BCLAF1: variants seen among roughly 807,000 people sequenced by gnomAD.
BCLAF1 encodes the protein BCL2 associated transcription factor 1, also known as bcl-2-associated transcription factor 1.
A neutral mutation model predicts 99.5 loss-of-function variants in BCLAF1; 10 were observed. That is an observed-to-expected ratio of 0.10 (90% CI 0.06 to 0.17). The LOEUF is 0.17. Among genes scored for constraint, BCLAF1 ranks in the 10% least tolerant of loss-of-function variants. The pLI, the probability that BCLAF1 is intolerant of heterozygous loss-of-function variation, is 1.00. For synonymous variants in BCLAF1, 255 were observed against 370.9 expected, an observed-to-expected ratio of 0.69 and a Z score of 3.59; for missense variants, 636 against 1,105.8, an observed-to-expected ratio of 0.58 and a Z score of 6.02.
chr6:136,280,832 G>C lies in BCLAF1; in HGVS notation c.-10-956C>G, dbSNP rs975310202. 6.1e-4 allele frequency among the ~76,000 whole-genome samples: 93 copies of C among 152,078 alleles called. 3 individuals are homozygous for C. The highest frequency in any genetic ancestry group is 6.1e-3 in the Admixed American group (93 of 15,268). ...ATTAGATTATATCTTAGCCTCTCAA[G>C]CTTGTTTTTGCTGCATAGAACTATT... On this transcript the variant is annotated intron_variant, in intron 2 of 12. Coordinates refer to ENST00000531224, the MANE Select transcript of BCLAF1 (RefSeq NM_014739.3).
rs1179740692 is a variant in BCLAF1, at chr6:136,281,705, T to A, written c.-11+879A>T. ...ATTTTACTAAGAGCTACAGATGCTG[T>A]GTTGTGCTGTATCTCCAGAATCTCT... On this transcript the variant is annotated intron_variant, in intron 2 of 12. Coordinates refer to ENST00000531224, the MANE Select transcript of BCLAF1 (RefSeq NM_014739.3). Among the ~76,000 whole-genome samples, 3 of 152,326 alleles carry A rather than the reference T, an allele frequency of 2.0e-5. No homozygotes were observed. In the East Asian group the frequency reaches 5.8e-4, roughly 29 times the overall value.
At chr6:136,266,234 C>T (rs891842659) in intron 11 of BCLAF1, among the ~76,000 whole-genome samples, 1 of 152,014 alleles carries the variant, frequency 6.6e-6, no homozygotes, top group African/African-American at 2.4e-5. Context: ...CTGAAAAAGT[C>T]AACAATTCCT....
In BCLAF1 at chr6:136,267,186, T is replaced by G. The variant is rs1205579538; in HGVS notation, c.2398-11A>C. 2.5e-6 allele frequency: 4 copies of G among 1,611,356 alleles called. No individual in the cohort carries two copies. In the Admixed American group the frequency reaches 6.7e-5, roughly 27 times the overall value. On this transcript the variant is annotated splice_polypyrimidine_tract_variant and intron_variant, in intron 10 of 12. Transcript: ENST00000531224. ...GCCTCTAATTCGAAACTGATTAACA[T>G]TAACAAAGTTGTTTAGTGATGCAAT...
At chr6:136,280,962 T>C (rs536536645) in intron 2 of BCLAF1, among the ~76,000 whole-genome samples, 86 of 152,314 alleles carry the variant, frequency 5.6e-4, no homozygotes, top group Non-Finnish European at 1.0e-3. Flanking sequence ...TAGTATCTCC[T>C]ACAACCAAGT....
chr6:136,277,713 G>A (rs1783623099), intron 4 of BCLAF1, 152 bp downstream of exon 4: 3 of 1,080,032 alleles, frequency 2.8e-6, no homozygotes, highest in South Asian at 3.5e-5. Context: ...CCAGATAAGA[G>A]TAAAAACAAT....
At chr6:136,289,409 G>A (rs1490853580) in intron 1 of BCLAF1, among the ~76,000 whole-genome samples, 1 of 152,176 alleles carries the variant, frequency 6.6e-6, no homozygotes, top group East Asian at 1.9e-4. Context: ...AATGGGGGAA[G>A]GGTGGAAGAG....
In BCLAF1 at chr6:136,279,893, G is replaced by A; in HGVS notation, c.-10-17C>T. The A allele has an allele frequency of 3.5e-6, 5 of 1,439,100 alleles. No individual in the cohort carries two copies. Among genetic ancestry groups the A allele is most frequent in the Non-Finnish European group, 3.7e-6 (4 of 1,088,064 alleles). The allele number at this position is 1,439,100 out of a possible 1,614,324, so 89.1% of individuals were successfully genotyped here. ...TCTTTTCTCCTAATCAAATGATAGG[G>A]CAAAAAAAGGTTAAAATTACAATAT... On this transcript the variant is annotated splice_polypyrimidine_tract_variant and intron_variant, in intron 2 of 12. Coordinates refer to ENST00000531224, the MANE Select transcript of BCLAF1 (RefSeq NM_014739.3).
chr6:136,281,918 T>TTA (rs1784426298), intron 2 of BCLAF1, among the ~76,000 whole-genome samples: 1 of 152,246 alleles, frequency 6.6e-6, no homozygotes, highest in South Asian at 2.1e-4. Context: ...AAGTTCATTT[T>TTA]TAAAGGTTTG....
In BCLAF1 at chr6:136,259,229, A is replaced by T. The variant is rs1288975121; in HGVS notation, c.*1881T>A. 6.6e-6 allele frequency: 1 copy of T among 152,038 alleles called. No homozygotes were observed. The highest frequency in any genetic ancestry group is 1.5e-5 in the Non-Finnish European group (1 of 67,880). The allele number at this position is 152,038 out of a possible 1,614,324, so 9.4% of individuals were successfully genotyped here. A position where few individuals can be genotyped will look rare whatever the true frequency, so the allele number is the denominator to read the frequency against. ...CCAAAGGTTAAAGCAATGCATTTGAACTTAAAATATAACCTGCCCACAGGA... is the reference window on the plus strand; with the variant it reads ...CCAAAGGTTAAAGCAATGCATTTGATCTTAAAATATAACCTGCCCACAGGA... On this transcript the variant is annotated 3_prime_UTR_variant, in exon 13 of 13. Coordinates refer to ENST00000531224, the MANE Select transcript of BCLAF1 (RefSeq NM_014739.3).
In BCLAF1 at chr6:136,277,043, G is replaced by C. The variant is rs553475920; in HGVS notation, c.1017-535C>G. Among the ~76,000 whole-genome samples the C allele has an allele frequency of 6.6e-5, 10 of 152,232 alleles. No individual in the cohort carries two copies. In the East Asian group the frequency reaches 1.7e-3, roughly 26 times the overall value. On this transcript the variant is annotated intron_variant, in intron 4 of 12. Coordinates refer to ENST00000531224, the MANE Select transcript of BCLAF1 (RefSeq NM_014739.3). ...CTGGCACTATTTCATAGAAACTAATGATCAGTTCAATCATAAATTCTAGAT... is the reference window on the plus strand; with the variant it reads ...CTGGCACTATTTCATAGAAACTAATCATCAGTTCAATCATAAATTCTAGAT...
At chr6:136,286,447 C>A (rs1785141212) in intron 1 of BCLAF1, among the ~76,000 whole-genome samples, 1 of 152,136 alleles carries the variant, frequency 6.6e-6, no homozygotes, top group South Asian at 2.1e-4. Context: ...ATGGTACTTC[C>A]TTACAAGTAC....
rs763490523 is a variant in BCLAF1 at position 136,275,976 on chromosome 6, T to C, written c.1549A>G (p.Lys517Glu). The C allele has an allele frequency of 6.2e-7, 1 of 1,612,588 alleles. No homozygotes were observed. The highest frequency in any genetic ancestry group is 1.7e-5 in the Admixed American group (1 of 59,760). Residue 517 changes from lysine to glutamate, a missense_variant, in exon 5 of 13, where the codon AAG (lysine) becomes GAG (glutamate). Coordinates refer to ENST00000531224, the MANE Select transcript of BCLAF1 (RefSeq NM_014739.3). ...DLFDYSPPLHKNLDAREKSTF... is the reference protein window; with the variant it reads ...DLFDYSPPLHENLDAREKSTF... ...GACTTTTCTCGTGCATCCAGATTCT[T>C]GTGTAGAGGGGGACTGTAATCAAAG...
At chr6:136,269,021 T>C in intron 9 of BCLAF1, 1 of 721,744 alleles carries the variant, frequency 1.4e-6, no homozygotes, top group Non-Finnish European at 1.8e-6. Context: ...CTATTTCTAG[T>C]CCTTCCTCCC....
chr6:136,276,341 T>C lies in BCLAF1; in HGVS notation c.1184A>G (p.Asn395Ser), dbSNP rs757818777. The C allele has an allele frequency of 3.2e-6, 5 of 1,567,110 alleles. No homozygotes were observed. The highest frequency in any genetic ancestry group is 1.2e-5 in the South Asian group (1 of 84,196). The change falls in exon 5 of 13, where the codon AAT becomes AGT. Residue 395 changes from asparagine to serine, a missense_variant. Transcript: ENST00000531224. ...SDKESGKQKFNDSEGDDTEET... is the reference protein window; with the variant it reads ...SDKESGKQKFSDSEGDDTEET... ...CTCTGTGTCATCCCCTTCTGAATCA[T>C]TAAACTTTTGTTTTCCAGACTCTTT...
At chr6:136,269,255 T>C in intron 9 of BCLAF1, 182 bp downstream of exon 9, 1 of 1,506,962 alleles carries the variant, frequency 6.6e-7, no homozygotes, top group Non-Finnish European at 8.8e-7. Flanking sequence ...TATTCCAAAG[T>C]TTTTGTCCTC....
intron 6 of BCLAF1, chr6:136,274,014 C>T (rs1782911988): frequency 7.9e-6 from 10 of 1,260,104 alleles, no homozygotes; most frequent in Non-Finnish European, 1.0e-5. Context: ...CTTGAAACGG[C>T]CACTACAAGG....
At position 136,260,350 on chromosome 6, in the gene BCLAF1, T is replaced by C. The variant is rs1780809949; in HGVS notation, c.*760A>G. On this transcript the variant is annotated 3_prime_UTR_variant, in exon 13 of 13. Transcript: ENST00000531224. Reference sequence around the variant, plus strand: ...CCAGTTTCCTCTCACAAATAGCTAATATCTAAGACCATGACTCAAACTATC... The same window carrying C: ...CCAGTTTCCTCTCACAAATAGCTAACATCTAAGACCATGACTCAAACTATC... 1.3e-5 allele frequency: 2 copies of C among 152,028 alleles called. No homozygotes were observed. Among genetic ancestry groups the C allele is most frequent in the South Asian group, 4.1e-4 (2 of 4,828 alleles). 9.4% of individuals were successfully genotyped at this position (152,028 alleles called of 1,614,324 possible).
chr6:136,280,508 C>T (rs1218868276), intron 2 of BCLAF1, among the ~76,000 whole-genome samples: 1 of 152,034 alleles, frequency 6.6e-6, no homozygotes, highest in East Asian at 1.9e-4. Context: ...TGTGACAATG[C>T]CTAGTTCACC....
At chr6:136,272,101 T>TTA in intron 7 of BCLAF1, 22 bp from the exon 8 acceptor site, 1 of 1,497,212 alleles carries the variant, frequency 6.7e-7, no homozygotes, top group Non-Finnish European at 9.1e-7. Context: ...ATAAAATATA[T>TTA]TTTTAGTCAT....
Sources: allele counts gnomAD v4.1 joint callset (sites outside exome capture counted in the v4.1 genomes callset), GRCh38; gene constraint gnomAD v4.1.1; transcripts MANE v1.5; gene names NCBI Gene and HGNC (gene_info 2026-07-23, HGNC 2026-07-21).